Variants in APCDD1L observed in about 807,000 individuals in gnomAD.
APCDD1L encodes APC down-regulated 1 like.
A neutral mutation model predicts 24.2 loss-of-function variants in APCDD1L; 21 were observed. The observed-to-expected ratio is 0.87, with a 90% CI of 0.61 to 1.25. APCDD1L has a LOEUF of 1.25. Among genes scored for constraint, APCDD1L ranks in the 50% most tolerant of loss-of-function variants. The pLI is 0.00. For missense variants in APCDD1L, 704 were observed against 711.7 expected (o/e 0.99, Z 0.12); for synonymous variants, 321 against 323.6 (o/e 0.99, Z 0.09).
Position 58,467,261 on chromosome 20 carries a change from G to A in APCDD1L, c.586C>T (p.Leu196Phe), listed in dbSNP as rs2123136108. The change falls in exon 3 of 4, where the codon CTC becomes TTC. Residue 196 changes from leucine (L) to phenylalanine (F), a missense_variant. Coordinates refer to ENST00000371149, the MANE Select transcript of APCDD1L (RefSeq NM_153360.3). The surrounding 1 kb of genome is among the most constrained non-coding windows in gnomAD (Gnocchi z 5.9). Reference sequence around the variant, plus strand: ...CGGCGCTGCACGCGGACCAGGCTGAGCTCGTGCATGGTGAGGCCCAGCGCC... The same window carrying A: ...CGGCGCTGCACGCGGACCAGGCTGAACTCGTGCATGGTGAGGCCCAGCGCC... ...LEALGLTMHE[L>F]SLVRVQRRLQ... 3.2e-6 allele frequency: 5 copies of A among 1,577,662 alleles called. No individual in the cohort carries two copies. Among genetic ancestry groups the A allele is most frequent in the Non-Finnish European group, 4.3e-6 (5 of 1,168,146 alleles).
intron 1 of APCDD1L, among the ~76,000 whole-genome samples, chr20:58,484,936 G>T (rs531721904): frequency 6.8e-6 from 1 of 146,312 alleles, no homozygotes; most frequent in Non-Finnish European, 1.5e-5. Context: ...GTTTCATGCC[G>T]ATCTCTGCTA....
intron 1 of APCDD1L, among the ~76,000 whole-genome samples, chr20:58,472,336 C>A (rs1322382526): frequency 2.6e-5 from 4 of 152,212 alleles, no homozygotes; most frequent in Non-Finnish European, 5.9e-5. Context: ...TTAGCATCAT[C>A]TTCCTCTCAT....
chr20:58,514,114 C>T, intron 1 of APCDD1L: 1 of 419,272 alleles, frequency 2.4e-6, no homozygotes, highest in South Asian at 2.4e-5. Flanking sequence ...ACCAGGGGTT[C>T]CTGAAGCCCC....
rs752840565 is a variant in APCDD1L, at chr20:58,467,098, ACACT to A, written c.741+4_741+7del. On this transcript the variant is annotated splice_donor_5th_base_variant and intron_variant, in intron 3 of 3. Coordinates refer to ENST00000371149, the MANE Select transcript of APCDD1L (RefSeq NM_153360.3). This position sits in a 1 kb window ranked among gnomAD's most constrained non-coding sequence, Gnocchi z 5.9. ...CCCCCTCTCCCACACCCCAACACAC[ACACT>A]CACCAGTGCGCTCTGCAGCGGGCGC... 7 of 1,593,758 alleles carry A rather than the reference ACACT, an allele frequency of 4.4e-6. No homozygotes were observed. The highest frequency in any genetic ancestry group is 5.1e-6 in the Non-Finnish European group (6 of 1,173,548).
chr20:58,485,680 G>A (rs1264609111), intron 1 of APCDD1L, among the ~76,000 whole-genome samples: 3 of 152,138 alleles, frequency 2.0e-5, no homozygotes, highest in African/African-American at 2.4e-5. Flanking sequence ...CATTCTCCAC[G>A]GAGCAGCAAG....
At chr20:58,465,089 G>C (rs558103075) in intron 3 of APCDD1L, among the ~76,000 whole-genome samples, 2 of 152,228 alleles carry the variant, frequency 1.3e-5, no homozygotes, top group South Asian at 4.1e-4. Context: ...CACAGCCCCC[G>C]GGGATCTGTC....
intron 1 of APCDD1L, among the ~76,000 whole-genome samples, chr20:58,500,478 C>T (rs1990413075): frequency 6.6e-6 from 1 of 152,358 alleles, no homozygotes; most frequent in Admixed American, 6.5e-5. Flanking sequence ...TTCACCTCTC[C>T]ATCCCCAGCC....
At chr20:58,511,010 G>T (rs1193480274) in intron 1 of APCDD1L, among the ~76,000 whole-genome samples, 1 of 152,172 alleles carries the variant, frequency 6.6e-6, no homozygotes, top group Non-Finnish European at 1.5e-5. Context: ...CTGACTCCCT[G>T]CAGGGACAGC....
chr20:58,467,561 AG>A lies in APCDD1L; in HGVS notation c.285del (p.Phe96SerfsTer265), dbSNP rs1989739627. 1 of 1,583,746 alleles carries A rather than the reference AG, an allele frequency of 6.3e-7. No individual in the cohort carries two copies. The highest frequency in any genetic ancestry group is 8.6e-7 in the Non-Finnish European group (1 of 1,164,854). On this transcript the variant is annotated frameshift_variant, in exon 3 of 4. Transcript: ENST00000371149. LOFTEE classifies it high-confidence loss of function. The surrounding 1 kb of genome is among the most constrained non-coding windows in gnomAD (Gnocchi z 5.9). ...AGCGAGTGGGCAGGTTCCCCGCAGA[AG>A]GGGTCCTCGTAGTAGAACTGGTGGG... ...FRAHQFYYED[P>X]FCGEPAHSLL...
chr20:58,482,628 G>T (rs188204768), intron 1 of APCDD1L, among the ~76,000 whole-genome samples: 4 of 152,302 alleles, frequency 2.6e-5, no homozygotes, highest in Non-Finnish European at 5.9e-5. Context: ...TTACCACCAC[G>T]ATAACAAGAT....
In APCDD1L at chr20:58,461,414, T is replaced by C; in HGVS notation, c.882A>G (p.Ala294=). The C allele has an allele frequency of 6.5e-7, 1 of 1,541,020 alleles. No individual in the cohort carries two copies. Among genetic ancestry groups the C allele is most frequent in the South Asian group, 1.2e-5 (1 of 80,548 alleles). The change falls in exon 4 of 4, where the codon GCA becomes GCG. Residue 294 remains alanine (A), a synonymous_variant. Transcript: ENST00000371149. This position sits in a 1 kb window ranked among gnomAD's most constrained non-coding sequence, Gnocchi z 6.0. ...WVSSGCEVRP[A]VLFLTRLFTF... is the part of the protein sequence containing the mutation. Reference sequence around the variant, plus strand: ...TGAAGAGCCGGGTGAGGAACAGGACTGCTGGGCGCACCTCGCACCCCGAGC... The same window carrying C: ...TGAAGAGCCGGGTGAGGAACAGGACCGCTGGGCGCACCTCGCACCCCGAGC...
At chr20:58,485,227 TG>T (rs1340546915) in intron 1 of APCDD1L, among the ~76,000 whole-genome samples, 2 of 152,124 alleles carry the variant, frequency 1.3e-5, no homozygotes, top group East Asian at 3.8e-4. Flanking sequence ...ATAAATATTG[TG>T]GGTCTCCACT....
intron 1 of APCDD1L, among the ~76,000 whole-genome samples, chr20:58,491,494 A>C (rs573386661): frequency 6.6e-6 from 1 of 152,328 alleles, no homozygotes; most frequent in African/African-American, 2.4e-5. Flanking sequence ...CATTTACAAC[A>C]GTAGTAAAAA....
chr20:58,479,945 C>T (rs116344102), intron 1 of APCDD1L, among the ~76,000 whole-genome samples: 1 of 152,142 alleles, frequency 6.6e-6, no homozygotes, highest in African/African-American at 2.4e-5. Context: ...ACCAGAACAC[C>T]CCCAGAAGGC....
intron 3 of APCDD1L, among the ~76,000 whole-genome samples, chr20:58,465,330 AG>A (rs1989686795): frequency 6.7e-6 from 1 of 150,250 alleles, no homozygotes; most frequent in Non-Finnish European, 1.5e-5. Flanking sequence ...CTCAGTTTGG[AG>A]GAGGGGGTGG....
chr20:58,475,183 A>G (rs1177605298), intron 1 of APCDD1L, among the ~76,000 whole-genome samples: 3 of 152,242 alleles, frequency 2.0e-5, no homozygotes, highest in African/African-American at 7.2e-5. Flanking sequence ...GTCAGAGCAG[A>G]GGGAGAAATA....
chr20:58,489,939 T>C lies in APCDD1L; in HGVS notation c.50-19192A>G, dbSNP rs528236180. Among the ~76,000 whole-genome samples the C allele has an allele frequency of 1.5e-3, 231 of 152,254 alleles. 1 individual carries two copies. The highest frequency in any genetic ancestry group is 5.2e-3 in the African/African-American group (217 of 41,568). On this transcript the variant is annotated intron_variant, in intron 1 of 3. Transcript: ENST00000371149. ...GAAAATTAACAATAAATTACACATT[T>C]TATAAAGCTGACACGTACCACAAAC...
At chr20:58,484,823 G>T (rs1382457098) in intron 1 of APCDD1L, among the ~76,000 whole-genome samples, 4 of 152,048 alleles carry the variant, frequency 2.6e-5, no homozygotes, top group South Asian at 4.1e-4. Context: ...TATTAAAAAA[G>T]GTGTAAAATG....
chr20:58,492,782 G>T (rs1244581187), intron 1 of APCDD1L, among the ~76,000 whole-genome samples: 5 of 152,290 alleles, frequency 3.3e-5, no homozygotes, highest in Admixed American at 3.3e-4. Flanking sequence ...ACATACACAT[G>T]CACTCACACA....
Sources: gnomAD v4.1 joint callset for allele counts (sites outside exome capture counted in the v4.1 genomes callset) on GRCh38, gnomAD v4.1.1 for gene constraint, Gnocchi (gnomAD v3.1) non-coding constraint, MANE v1.5 for transcripts, NCBI Gene and HGNC (gene_info 2026-07-23, HGNC 2026-07-21) for gene names.